The following MRPS28 variants were observed in gnomAD, a reference collection of about 807,000 sequenced individuals.
The protein encoded by MRPS28 is mitochondrial ribosomal protein S28.
A neutral mutation model predicts 10.8 loss-of-function variants in MRPS28; 7 were observed. The observed-to-expected ratio is 0.65, with a 90% CI of 0.37 to 1.22. The LOEUF is 1.22. Among genes scored for constraint, MRPS28 ranks in the 50% most tolerant of loss-of-function variants. MRPS28 has a pLI of 0.02. For synonymous variants in MRPS28, 121 were observed against 93.3 expected, an observed-to-expected ratio of 1.30 and a Z score of -1.71; for missense variants, 265 against 232.9, an observed-to-expected ratio of 1.14 and a Z score of -0.90.
At chr8:79,980,321 C>T (rs1342193887) in intron 2 of MRPS28, among the ~76,000 whole-genome samples, 1 of 152,110 alleles carries the variant, frequency 6.6e-6, no homozygotes, top group African/African-American at 2.4e-5. Flanking sequence ...CTTTCCAAGG[C>T]CATGATCTTA....
chr8:80,007,909 T>C (rs536520802), intron 1 of MRPS28, among the ~76,000 whole-genome samples: 125 of 152,162 alleles, frequency 8.2e-4, no homozygotes, highest in Admixed American at 1.8e-3. Context: ...CTTCACAGAA[T>C]TGGAAAAAAC....
intron 2 of MRPS28, among the ~76,000 whole-genome samples, chr8:79,974,422 C>G (rs1807731908): frequency 6.6e-6 from 1 of 151,766 alleles, no homozygotes; most frequent in South Asian, 2.1e-4. Context: ...CGCCTGTAGT[C>G]CCAGCTACTC....
intron 2 of MRPS28, among the ~76,000 whole-genome samples, chr8:79,971,096 T>C (rs780064928): frequency 5.3e-5 from 8 of 152,182 alleles, no homozygotes; most frequent in African/African-American, 1.4e-4. Context: ...TGGGAAACCA[T>C]TGAATAAGAG....
intron 2 of MRPS28, among the ~76,000 whole-genome samples, chr8:79,954,138 G>A (rs1010912888): frequency 3.3e-5 from 5 of 152,138 alleles, no homozygotes; most frequent in Admixed American, 2.6e-4. Context: ...AGCTATTTGG[G>A]AGGCTGAGGC....
intron 2 of MRPS28, among the ~76,000 whole-genome samples, chr8:79,959,321 A>G (rs1807309693): frequency 6.6e-6 from 1 of 152,078 alleles, no homozygotes; most frequent in Non-Finnish European, 1.5e-5. Flanking sequence ...AAAGCTATAA[A>G]ATATGAAAAA....
intron 2 of MRPS28, among the ~76,000 whole-genome samples, chr8:79,964,162 G>T (rs1807445394): frequency 1.3e-5 from 2 of 152,206 alleles, no homozygotes; most frequent in Admixed American, 6.5e-5. Context: ...GATTGCTGAA[G>T]TAGGGCCAGA....
chr8:79,922,821 A>C lies in MRPS28; in HGVS notation c.396-3673T>G, dbSNP rs73691106. On this transcript the variant is annotated intron_variant, in intron 2 of 2. Transcript: ENST00000276585. ...AAAATCACAAATCTTTAACAGTCTAAATATATACTTTATATATTCTAATTT... is the reference window on the plus strand; with the variant it reads ...AAAATCACAAATCTTTAACAGTCTACATATATACTTTATATATTCTAATTT... Among the ~76,000 whole-genome samples, 1,288 of 152,116 alleles carry C rather than the reference A, an allele frequency of 8.5e-3. 23 individuals are homozygous for C. The highest frequency in any genetic ancestry group is 0.03 in the African/African-American group (1,233 of 41,548).
chr8:79,988,512 A>T (rs1382026546), intron 2 of MRPS28, among the ~76,000 whole-genome samples: 1 of 151,772 alleles, frequency 6.6e-6, no homozygotes, highest in Admixed American at 6.5e-5. Flanking sequence ...TTTTATTAAA[A>T]ATTAAAACAA....
At chr8:79,932,689 A>C (rs937319388) in intron 2 of MRPS28, among the ~76,000 whole-genome samples, 2 of 152,190 alleles carry the variant, frequency 1.3e-5, no homozygotes, top group Non-Finnish European at 2.9e-5. Flanking sequence ...GGATGGAAAG[A>C]CACTGGGCAG....
chr8:79,949,371 G>A (rs1022732509), intron 2 of MRPS28, among the ~76,000 whole-genome samples: 2 of 148,920 alleles, frequency 1.3e-5, no homozygotes, highest in African/African-American at 5.0e-5. Flanking sequence ...CCGAGATTGC[G>A]CCACTGCACT....
At chr8:79,976,157 C>T (rs1053086660) in intron 2 of MRPS28, among the ~76,000 whole-genome samples, 1 of 151,804 alleles carries the variant, frequency 6.6e-6, no homozygotes, top group African/African-American at 2.4e-5. Context: ...AATCTCAGCT[C>T]ACTGCAACCT....
chr8:79,934,002 C>A (rs1341782467), intron 2 of MRPS28, among the ~76,000 whole-genome samples: 1 of 152,184 alleles, frequency 6.6e-6, no homozygotes, highest in Non-Finnish European at 1.5e-5. Context: ...GTTATCAACA[C>A]CTTTTAATGA....
rs753315943 is a variant in MRPS28 at position 80,030,096 on chromosome 8, A to G, written c.153T>C (p.Gly51=). The G allele has an allele frequency of 5.6e-6, 9 of 1,611,598 alleles. No homozygotes were observed. Among genetic ancestry groups the G allele is most frequent in the South Asian group, 1.1e-5 (1 of 91,068 alleles). ...AGTGCCGCTCCAACGCGCTCGCGAA[A>G]CCGCCTGCGCGCGTCTTAGGCTCCT... The part of the protein sequence containing the change: ...NAKEPKTRAG[G]FASALERHSE... The change falls in exon 1 of 3, where the codon GGT becomes GGC. Residue 51 remains glycine (G), a synonymous_variant. Coordinates refer to ENST00000276585, the MANE Select transcript of MRPS28 (RefSeq NM_014018.3).
intron 2 of MRPS28, among the ~76,000 whole-genome samples, chr8:79,946,573 T>C (rs954043363): frequency 3.3e-5 from 5 of 152,094 alleles, no homozygotes; most frequent in African/African-American, 4.8e-5. Flanking sequence ...GATAGCTTAC[T>C]TGGGGAAAAA....
intron 2 of MRPS28, among the ~76,000 whole-genome samples, chr8:79,984,320 A>G (rs1293736239): frequency 2.6e-5 from 4 of 152,240 alleles, no homozygotes; most frequent in African/African-American, 4.8e-5. Context: ...CTGCATAATC[A>G]TGCCAAATTG....
chr8:79,998,095 C>T (rs1002813621), intron 2 of MRPS28, among the ~76,000 whole-genome samples: 4 of 151,410 alleles, frequency 2.6e-5, no homozygotes, highest in Non-Finnish European at 4.4e-5. Flanking sequence ...GAAACAAGCA[C>T]AACTGAGCTT....
At chr8:80,008,176 G>T (rs1487385994) in intron 1 of MRPS28, among the ~76,000 whole-genome samples, 1 of 152,160 alleles carries the variant, frequency 6.6e-6, no homozygotes, top group African/African-American at 2.4e-5. Flanking sequence ...ATGGGGAAAG[G>T]ATTCCCTATT....
At chr8:80,023,874 T>C (rs981563406) in intron 1 of MRPS28, among the ~76,000 whole-genome samples, 1 of 152,018 alleles carries the variant, frequency 6.6e-6, no homozygotes. Context: ...CTAAGTGACA[T>C]AAGAAGGATT....
At chr8:79,999,369 G>A (rs1268818055) in intron 2 of MRPS28, among the ~76,000 whole-genome samples, 1 of 152,150 alleles carries the variant, frequency 6.6e-6, no homozygotes, top group Non-Finnish European at 1.5e-5. Flanking sequence ...AATTAAGTAG[G>A]TTCTTACCCA....
Sources: allele counts gnomAD v4.1 joint callset (sites outside exome capture counted in the v4.1 genomes callset), GRCh38; gene constraint gnomAD v4.1.1; transcripts MANE v1.5; gene names NCBI Gene and HGNC (gene_info 2026-07-23, HGNC 2026-07-21).